The following PCGF5 variants were observed in gnomAD, a reference collection of about 807,000 sequenced individuals.
PCGF5 encodes the protein polycomb group ring finger 5.
In PCGF5, 9 loss-of-function variants were observed where a neutral mutation model predicts 44.3. The observed-to-expected ratio is 0.20, with a 90% CI of 0.12 to 0.35. PCGF5 has a LOEUF of 0.35. Ranked by LOEUF, PCGF5 falls within the 10% of genes least tolerant of loss-of-function variation. PCGF5 has a pLI of 1.00. For synonymous variants in PCGF5, 95 were observed against 102.5 expected (o/e 0.93, Z 0.44); for missense variants, 146 against 305.3 (o/e 0.48, Z 3.89).
intron 1 of PCGF5, among the ~76,000 whole-genome samples, chr10:91,179,537 T>C (rs751278549): frequency 6.6e-6 from 1 of 152,124 alleles, no homozygotes; most frequent in African/African-American, 2.4e-5. Flanking sequence ...GTGTGTTGTT[T>C]CCCTCTGTGT....
rs569984451 is a variant in PCGF5, at chr10:91,240,606, A to T, written c.209+26A>T. 6.8e-6 allele frequency: 10 copies of T among 1,469,198 alleles called. No homozygotes were observed. In the South Asian group the frequency reaches 1.2e-4, roughly 17 times the overall value. 91.0% of individuals were successfully genotyped at this position (1,469,198 alleles called of 1,614,324 possible). On this transcript the variant is annotated intron_variant, in intron 3 of 9. Transcript: ENST00000336126. The stretch of plus-strand genomic sequence containing the variant: ...GTAAGGATGTTATATTTTACAGTTC[A>T]TCTAATTTACATAAATTGAATAGGC...
chr10:91,169,667 A>C (rs182706305), intron 1 of PCGF5, among the ~76,000 whole-genome samples: 1 of 152,248 alleles, frequency 6.6e-6, no homozygotes, highest in Non-Finnish European at 1.5e-5. Flanking sequence ...GTCCATCTTC[A>C]TAGGTAGGAA....
chr10:91,156,653 T>C, the PCGF5 span, among the ~76,000 whole-genome samples: 2 of 152,264 alleles, frequency 1.3e-5, no homozygotes, highest in South Asian at 4.1e-4. Context: ...TTAAGGATAT[T>C]ATGAAAGGCA....
In PCGF5 at chr10:91,284,227, C is replaced by G. The variant is rs1287749222; in HGVS notation, c.*5911C>G. On this transcript the variant is annotated 3_prime_UTR_variant, in exon 10 of 10. Coordinates refer to ENST00000336126, the MANE Select transcript of PCGF5 (RefSeq NM_032373.5). ...AAGTATATTTCACCATGTTAAAATA[C>G]AGTATCTTTGTTATTAAAAATTAAA... 2.0e-5 allele frequency: 3 copies of G among 152,144 alleles called. No individual in the cohort carries two copies. The highest frequency in any genetic ancestry group is 2.9e-5 in the Non-Finnish European group (2 of 67,940). 9.4% of individuals were successfully genotyped at this position (152,144 alleles called of 1,614,324 possible).
chr10:91,249,371 G>GTATATA (rs3074316), intron 5 of PCGF5, among the ~76,000 whole-genome samples: 4 of 120,546 alleles, frequency 3.3e-5, no homozygotes, highest in African/African-American at 8.8e-5. Context: ...GGCTTTTAGT[G>GTATATA]TATATATATA....
At chr10:91,169,064 C>T (rs186171951) in intron 1 of PCGF5, among the ~76,000 whole-genome samples, 8 of 151,544 alleles carry the variant, frequency 5.3e-5, no homozygotes, top group Non-Finnish European at 1.0e-4. Context: ...ACACTAGGCT[C>T]TCCTCAAGCA....
chr10:91,221,411 A>G (rs1183281576), intron 1 of PCGF5, among the ~76,000 whole-genome samples: 1 of 152,186 alleles, frequency 6.6e-6, no homozygotes, highest in African/African-American at 2.4e-5. Context: ...AGGCTCAGAT[A>G]TGAAACGGTT....
intron 9 of PCGF5, among the ~76,000 whole-genome samples, chr10:91,275,867 A>G (rs772903596): frequency 1.3e-4 from 20 of 152,186 alleles, no homozygotes; most frequent in Non-Finnish European, 2.6e-4. Context: ...GGCAAAAGAA[A>G]TAGATCAGTG....
chr10:91,195,635 CTG>C (rs35809931), intron 1 of PCGF5, among the ~76,000 whole-genome samples: 24,870 of 151,666 alleles, frequency 0.16, 2,507 homozygotes, highest in East Asian at 0.4. Context: ...GAGGTTCTCA[CTG>C]TGTTACCCAG....
At chr10:91,185,728 G>A (rs892466517) in intron 1 of PCGF5, among the ~76,000 whole-genome samples, 4 of 152,194 alleles carry the variant, frequency 2.6e-5, no homozygotes, top group Admixed American at 1.3e-4. Context: ...GTTTCATGAA[G>A]GGTTCTCCTG....
Position 91,232,188 on chromosome 10 carries a change from G to A in PCGF5, c.113-8296G>A, listed in dbSNP as rs182885806. Among the ~76,000 whole-genome samples, 243 of 152,198 alleles carry A rather than the reference G, an allele frequency of 1.6e-3. 1 individual carries two copies. Among genetic ancestry groups the A allele is most frequent in the African/African-American group, 5.7e-3 (238 of 41,518 alleles). ...GTGTTAAGTGGGTTGAGTAAGATGG[G>A]GTTGAGAATAGATTCCTAGATTTAG... On this transcript the variant is annotated intron_variant, in intron 2 of 9. Coordinates refer to ENST00000336126, the MANE Select transcript of PCGF5 (RefSeq NM_032373.5).
intron 1 of PCGF5, among the ~76,000 whole-genome samples, chr10:91,165,844 T>C (rs999421088): frequency 6.6e-6 from 1 of 152,226 alleles, no homozygotes; most frequent in African/African-American, 2.4e-5. Flanking sequence ...ATAAAGTTTA[T>C]ATTATAAATC....
chr10:91,202,272 C>G (rs1470325727), intron 1 of PCGF5, among the ~76,000 whole-genome samples: 1 of 152,136 alleles, frequency 6.6e-6, no homozygotes, highest in African/African-American at 2.4e-5. Flanking sequence ...GTGGTTAAGC[C>G]TATAGACTCT....
At chr10:91,174,376 G>A (rs1311811666) in intron 1 of PCGF5, among the ~76,000 whole-genome samples, 3 of 152,138 alleles carry the variant, frequency 2.0e-5, no homozygotes, top group East Asian at 3.9e-4. Context: ...GTGTGGCGGT[G>A]CATGCCTGTA....
upstream of PCGF5, among the ~76,000 whole-genome samples, chr10:91,219,293 A>G (rs1844606723): frequency 6.6e-6 from 1 of 152,200 alleles, no homozygotes; most frequent in African/African-American, 2.4e-5. Flanking sequence ...CGCACTTGTG[A>G]TAGGTCACCA....
At chr10:91,190,623 T>C (rs762663586) in intron 1 of PCGF5, among the ~76,000 whole-genome samples, 2 of 152,240 alleles carry the variant, frequency 1.3e-5, no homozygotes, top group Non-Finnish European at 2.9e-5. Context: ...CTGTGTAACA[T>C]TGATGCTCTC....
intron 1 of PCGF5, among the ~76,000 whole-genome samples, chr10:91,191,063 C>G (rs988406418): frequency 6.6e-6 from 1 of 152,172 alleles, no homozygotes; most frequent in African/African-American, 2.4e-5. Context: ...TCCAAGGCCC[C>G]TAGTGGGTGC....
chr10:91,157,973 A>G, the PCGF5 span, among the ~76,000 whole-genome samples: 1 of 152,256 alleles, frequency 6.6e-6, no homozygotes, highest in African/African-American at 2.4e-5. Context: ...TGATCAAGGT[A>G]TTGGATCATT....
At chr10:91,241,431 A>G (rs990152297) in intron 3 of PCGF5, among the ~76,000 whole-genome samples, 1 of 152,124 alleles carries the variant, frequency 6.6e-6, no homozygotes, top group African/African-American at 2.4e-5. Context: ...CTTTATTCCC[A>G]ATTAGGAAAT....
Sources: gnomAD v4.1 joint callset for allele counts (sites outside exome capture counted in the v4.1 genomes callset) on GRCh38, gnomAD v4.1.1 for gene constraint, MANE v1.5 for transcripts, NCBI Gene and HGNC (gene_info 2026-07-23, HGNC 2026-07-21) for gene names.